SLC4A2: variants seen among roughly 807,000 people sequenced by gnomAD.
The protein encoded by SLC4A2 is anion exchange protein 2.
Under a neutral mutation model 115.0 loss-of-function variants are expected in SLC4A2, and 36 were observed. That is an observed-to-expected ratio of 0.31 (90% CI 0.24 to 0.41). The LOEUF is 0.41. Among genes scored for constraint, SLC4A2 ranks in the 10% least tolerant of loss-of-function variants. The probability of loss-of-function intolerance (pLI) is 1.00; values close to 1 mark genes in which losing one functional copy is unlikely to be tolerated. For missense variants in SLC4A2, 1,252 were observed against 1,705.6 expected (o/e 0.73, Z 4.68); for synonymous variants, 708 against 708.3 (o/e 1.00, Z 0.01).
Position 151,070,911 on chromosome 7 carries a change from G to T in SLC4A2, c.1749G>T (p.Lys583Asn). The T allele has an allele frequency of 6.2e-7, 1 of 1,612,302 alleles. No individual in the cohort carries two copies. Reference protein sequence around the residue: ...GRSISTLMSDKQFHEAAYLAD... With the variant: ...GRSISTLMSDNQFHEAAYLAD... ...CCATCTCCACCCTCATGTCAGACAAGGTCAGCTACCCTCCTCCTCTGGGCC... is the reference window on the plus strand; with the variant it reads ...CCATCTCCACCCTCATGTCAGACAATGTCAGCTACCCTCCTCCTCTGGGCC... Residue 583 changes from lysine to asparagine, a missense_variant and splice_region_variant, in exon 12 of 23, where the codon AAG becomes AAT. This residue lies in a region of SLC4A2 where 87 missense variants were observed against 170.3 expected (regional missense o/e 0.51). Transcript: ENST00000413384.
In SLC4A2 at chr7:151,064,439, T is replaced by A. The variant is rs1233233360; in HGVS notation, c.217+72T>A. 3.9e-6 allele frequency: 6 copies of A among 1,533,536 alleles called. No individual in the cohort carries two copies. In the Admixed American group the frequency reaches 7.0e-5, roughly 18 times the overall value. The allele number at this position is 1,533,536 out of a possible 1,614,324, so 95.0% of individuals were successfully genotyped here. On this transcript the variant is annotated intron_variant, in intron 3 of 22. Transcript: ENST00000413384. Reference sequence around the variant, plus strand: ...CTGTCCAGCAAAGAAGGGACTGGGGTCCTAGTGGGAGGAGTGGGGCTAGGG... The same window carrying A: ...CTGTCCAGCAAAGAAGGGACTGGGGACCTAGTGGGAGGAGTGGGGCTAGGG...
rs1422102627 is a variant in SLC4A2, at chr7:151,071,456, C to A, written c.2042C>A (p.Pro681His). 6.2e-7 allele frequency: 1 copy of A among 1,609,770 alleles called. No individual in the cohort carries two copies. The highest frequency in any genetic ancestry group is 1.3e-5 in the African/African-American group (1 of 75,012). ...GATCCCCTTCGGCGGACGGGGCGGCCCTTTGGGGGGCTGATCCGAGATGTG... is the reference window on the plus strand; with the variant it reads ...GATCCCCTTCGGCGGACGGGGCGGCACTTTGGGGGGCTGATCCGAGATGTG... ...EDDPLRRTGR[P>H]FGGLIRDVRR... Residue 681 changes from proline (P) to histidine (H), a missense_variant, in exon 14 of 23, where the codon CCC (proline) becomes CAC (histidine). This residue lies in a region of SLC4A2 where 122 missense variants were observed against 116.8 expected (regional missense o/e 1.04). Coordinates refer to ENST00000413384, the MANE Select transcript of SLC4A2 (RefSeq NM_003040.4). This position sits in a 1 kb window ranked among gnomAD's most constrained non-coding sequence, Gnocchi z 5.5.
intron 18 of SLC4A2, 37 bp from the exon 19 acceptor site, chr7:151,074,638 C>A: frequency 6.3e-7 from 1 of 1,582,122 alleles, no homozygotes. Context: ...TCCACATTCA[C>A]CTTAACCCTT....
rs753341328 is a variant in SLC4A2, at chr7:151,070,794, C to T, written c.1632C>T (p.Asp544=). ...GGCTCCGGGAGGCTGTGGAGTTGGA[C>T]GCAGTGTTGGAGGTGCCGGTGCCTG... ...FVRLREAVEL[D]AVLEVPVPVR... The change falls in exon 12 of 23, where the codon GAC becomes GAT. Residue 544 remains aspartate (D), a synonymous_variant. Coordinates refer to ENST00000413384, the MANE Select transcript of SLC4A2 (RefSeq NM_003040.4). 8 of 1,614,064 alleles carry T rather than the reference C, an allele frequency of 5.0e-6. No individual in the cohort carries two copies. The highest frequency in any genetic ancestry group is 3.3e-5 in the Admixed American group (2 of 60,024).
rs1797594015 is a variant in SLC4A2 at position 151,075,492 on chromosome 7, G to A, written c.3285G>A (p.Leu1095=). The change falls in exon 20 of 23, where the codon CTG becomes CTA. Residue 1095 remains leucine, a synonymous_variant. Transcript: ENST00000413384. The part of the protein sequence containing the change: ...EVKEQRVTGL[L]VALLVGLSIV... Reference sequence around the variant, plus strand: ...AGGAGCAGCGGGTGACGGGGCTGCTGGTTGCCCTGCTTGTGGGTACGTTGC... The same window carrying A: ...AGGAGCAGCGGGTGACGGGGCTGCTAGTTGCCCTGCTTGTGGGTACGTTGC... 1 of 1,599,810 alleles carries A rather than the reference G, an allele frequency of 6.3e-7. No individual in the cohort carries two copies. The highest frequency in any genetic ancestry group is 1.3e-5 in the African/African-American group (1 of 74,926).
At chr7:151,075,975 T>A in intron 21 of SLC4A2, 38 bp from the exon 22 acceptor site, 1 of 1,545,314 alleles carries the variant, frequency 6.5e-7, no homozygotes, top group East Asian at 2.3e-5. Context: ...AGCAGCAGGC[T>A]AGGGAGGAAG....
rs1406374172 is a variant in SLC4A2 at position 151,074,480 on chromosome 7, T to G, written c.2872T>G (p.Tyr958Asp). ...TGTGGATTACAGTATTGAGGACACC[T>G]ATACCCAGGTAAGGTGCTGCCCACA... ...VLVDYSIEDT[Y>D]TQKLSVPSGF... is the part of the protein sequence containing the mutation. Residue 958 changes from tyrosine to aspartate, a missense_variant, in exon 18 of 23, where the codon TAT becomes GAT. Physicochemically the swap from Tyr to Asp is radical, Grantham distance 160. Around this residue, in one of 14 missense-constraint regions of SLC4A2, gnomAD observed 253 missense variants for 407.4 expected, o/e 0.62. Coordinates refer to ENST00000413384, the MANE Select transcript of SLC4A2 (RefSeq NM_003040.4). The G allele has an allele frequency of 6.2e-7, 1 of 1,613,946 alleles. No homozygotes were observed. Among genetic ancestry groups the G allele is most frequent in the South Asian group, 1.1e-5 (1 of 91,084 alleles).
chr7:151,075,075 G>C (rs1563365017), intron 19 of SLC4A2, 180 bp from the exon 20 acceptor site: 1 of 994,444 alleles, frequency 1.0e-6, no homozygotes, highest in African/African-American at 1.6e-5. Context: ...AGCTGTCATG[G>C]ACGATAAGGG....
intron 1 of SLC4A2, chr7:151,061,591 T>C: frequency 4.8e-6 from 1 of 210,316 alleles, no homozygotes; most frequent in Non-Finnish European, 9.7e-6. Context: ...CCCAGCTCAT[T>C]ATCACTCCCT....
At position 151,071,955 on chromosome 7, in the gene SLC4A2, A is replaced by G. The variant is rs1165480809; in HGVS notation, c.2354A>G (p.Asn785Ser). 1.9e-6 allele frequency: 3 copies of G among 1,613,372 alleles called. No individual in the cohort carries two copies. The highest frequency in any genetic ancestry group is 4.5e-5 in the East Asian group (2 of 44,840). The change falls in exon 16 of 23, where the codon AAC (asparagine) becomes AGC (serine). Residue 785 changes from asparagine to serine, a missense_variant. Physicochemically the swap from Asn to Ser is conservative, Grantham distance 46 (BLOSUM62 1). Transcript: ENST00000413384. The surrounding 1 kb of genome is among the most constrained non-coding windows in gnomAD (Gnocchi z 5.5). Reference protein sequence around the residue: ...EEAFFSFCSSNHLEYLVGRVW... With the variant: ...EEAFFSFCSSSHLEYLVGRVW... ...CCCTCCCTCCAGTTCTGTAGCAGCA[A>G]CCACCTGGAGTACCTGGTGGGCCGT...
chr7:151,070,815 G>A lies in SLC4A2; in HGVS notation c.1653G>A (p.Val551=). 6 of 1,614,030 alleles carry A rather than the reference G, an allele frequency of 3.7e-6. No individual in the cohort carries two copies. The highest frequency in any genetic ancestry group is 5.1e-6 in the Non-Finnish European group (6 of 1,180,020). Residue 551 remains valine (V), a synonymous_variant, in exon 12 of 23, where the codon GTG becomes GTA. Transcript: ENST00000413384. ...VELDAVLEVP[V]PVRFLFLLLG... ...TGGACGCAGTGTTGGAGGTGCCGGT[G>A]CCTGTGCGTTTCCTCTTCCTGCTGC...
intron 16 of SLC4A2, among the ~76,000 whole-genome samples, chr7:151,073,096 CG>C (rs1797495771): frequency 6.6e-6 from 1 of 151,966 alleles, no homozygotes; most frequent in African/African-American, 2.4e-5. Flanking sequence ...CTGGGACTGC[CG>C]GCGGGCCCCA....
intron 8 of SLC4A2, among the ~76,000 whole-genome samples, chr7:151,068,500 T>C (rs561121157): frequency 6.6e-6 from 1 of 152,262 alleles, no homozygotes; most frequent in Admixed American, 6.5e-5. Context: ...GGTTCTGTGG[T>C]TTGAGGCAGC....
At chr7:151,068,172 G>A in intron 8 of SLC4A2, 118 bp downstream of exon 8, 1 of 724,758 alleles carries the variant, frequency 1.4e-6, no homozygotes, top group Non-Finnish European at 2.1e-6. Flanking sequence ...GAGGAAGCAT[G>A]GTCCACACCC....
At chr7:151,068,431 C>T (rs1797311373) in intron 8 of SLC4A2, among the ~76,000 whole-genome samples, 1 of 152,166 alleles carries the variant, frequency 6.6e-6, no homozygotes, top group Non-Finnish European at 1.5e-5. Context: ...CTTGCTTGCT[C>T]CTTCCCAATG....
In SLC4A2 at chr7:151,064,677, G is replaced by C. The variant is rs1797168491; in HGVS notation, c.369G>C (p.Glu123Asp). 1 of 1,613,818 alleles carries C rather than the reference G, an allele frequency of 6.2e-7. No individual in the cohort carries two copies. Among genetic ancestry groups the C allele is most frequent in the East Asian group, 2.2e-5 (1 of 44,884 alleles). ...SPTGETPTIE[E>D]GEEDEDEASE... ...CTGGAGAAACCCCGACCATTGAGGAGGGGGAGGAAGATGAGGATGAGGCCA... is the reference window on the plus strand; with the variant it reads ...CTGGAGAAACCCCGACCATTGAGGACGGGGAGGAAGATGAGGATGAGGCCA... Residue 123 changes from glutamate (E) to aspartate (D), a missense_variant, in exon 4 of 23, where the codon GAG (glutamate) becomes GAC (aspartate). Around this residue, in one of 14 missense-constraint regions of SLC4A2, gnomAD observed 215 missense variants for 205.2 expected, o/e 1.05. Transcript: ENST00000413384.
rs753675037 is a variant in SLC4A2, at chr7:151,070,290, G to A, written c.1393G>A (p.Val465Ile). ...TCAGGGGGCTGAGAGTGACCCCCAC[G>A]TCACCGAGCCTCTCATGGGAGGTGT... is the stretch of plus-strand genomic sequence containing the variant. ...HGQGAESDPHVTEPLMGGVPE... is the reference protein window; with the variant it reads ...HGQGAESDPHITEPLMGGVPE... Residue 465 changes from valine to isoleucine, a missense_variant, in exon 10 of 23, where the codon GTC becomes ATC. Val to Ile is a conservative substitution (Grantham distance 29, BLOSUM62 3). Coordinates refer to ENST00000413384, the MANE Select transcript of SLC4A2 (RefSeq NM_003040.4). 2.7e-5 allele frequency: 44 copies of A among 1,613,510 alleles called. No individual in the cohort carries two copies. Among genetic ancestry groups the A allele is most frequent in the Admixed American group, 3.3e-5 (2 of 59,974 alleles).
chr7:151,070,629 T>C (rs943648288), intron 11 of SLC4A2, 58 bp downstream of exon 11: 2 of 1,597,384 alleles, frequency 1.3e-6, no homozygotes, highest in African/African-American at 2.7e-5. Context: ...GGCAGAGTCC[T>C]GTAGTCTCCC....
intron 2 of SLC4A2, 145 bp from the exon 3 acceptor site, chr7:151,064,057 T>A (rs534271056): frequency 1.1e-5 from 8 of 728,888 alleles, no homozygotes; most frequent in African/African-American, 1.1e-4. Context: ...GGACAGCTGC[T>A]GGGGGCATAT....
Sources: gnomAD v4.1 joint callset for allele counts (sites outside exome capture counted in the v4.1 genomes callset) on GRCh38, gnomAD v4.1.1 for gene constraint, gnomAD v4.1.1 regional missense constraint, Gnocchi (gnomAD v3.1) non-coding constraint, MANE v1.5 for transcripts, NCBI Gene and HGNC (gene_info 2026-07-23, HGNC 2026-07-21) for gene names.